The following SPART variants were observed in gnomAD, a reference collection of about 807,000 sequenced individuals.
SPART encodes the protein spastic paraplegia 20 (Troyer syndrome).
A neutral mutation model predicts 58.7 loss-of-function variants in SPART; 35 were observed. The ratio of observed to expected loss-of-function variants is 0.60; its 90% CI spans 0.46 to 0.79. SPART has a LOEUF of 0.79. SPART is among the 30% of genes least tolerant of loss of function. The pLI, the probability that SPART is intolerant of heterozygous loss-of-function variation, is 0.00. For missense variants in SPART, 730 were observed against 786.1 expected, an observed-to-expected ratio of 0.93 and a Z score of 0.85; for synonymous variants, 284 against 280.7, an observed-to-expected ratio of 1.01 and a Z score of -0.12.
chr13:36,307,540 C>A (rs1184772979), intron 8 of SPART, among the ~76,000 whole-genome samples: 1 of 151,838 alleles, frequency 6.6e-6, no homozygotes, highest in African/African-American at 2.4e-5. Flanking sequence ...AATATATATT[C>A]AAAGAAAATA....
At chr13:36,319,781 A>C (rs976770471) in intron 5 of SPART, among the ~76,000 whole-genome samples, 1 of 143,896 alleles carries the variant, frequency 6.9e-6, no homozygotes, top group African/African-American at 2.5e-5. Context: ...CATCAAGCTC[A>C]GCAAATTACC....
At chr13:36,314,192 A>C in intron 6 of SPART, 35 bp downstream of exon 6, 1 of 1,583,006 alleles carries the variant, frequency 6.3e-7, no homozygotes, top group Non-Finnish European at 8.7e-7. Context: ...TTTAAATATA[A>C]CTTTAAAAAG....
intron 1 of SPART, among the ~76,000 whole-genome samples, chr13:36,342,766 C>T (rs1298172444): frequency 6.6e-6 from 1 of 152,144 alleles, no homozygotes; most frequent in African/African-American, 2.4e-5. Context: ...TTCCATGGGA[C>T]ATACACCAAC....
intron 6 of SPART, 119 bp from the exon 7 acceptor site, chr13:36,312,596 A>C: frequency 8.8e-7 from 1 of 1,134,212 alleles, no homozygotes; most frequent in Non-Finnish European, 1.3e-6. Context: ...TAATGTTACA[A>C]TTTCTTCTTA....
chr13:36,360,287 G>GATTTTT (rs60947739), intron 1 of SPART, among the ~76,000 whole-genome samples: 1 of 9,554 alleles, frequency 1.0e-4, no homozygotes, highest in Non-Finnish European at 1.7e-4. Flanking sequence ...GAAAATTTTT[G>GATTTTT]GAGAAAATTC....
At chr13:36,338,758 G>A (rs1012335867) in intron 1 of SPART, among the ~76,000 whole-genome samples, 1 of 152,184 alleles carries the variant, frequency 6.6e-6, no homozygotes, top group African/African-American at 2.4e-5. Context: ...TTGGTAATTA[G>A]AGTTTTGGCT....
At chr13:36,344,053 A>G (rs1438436312) in intron 1 of SPART, among the ~76,000 whole-genome samples, 2 of 149,284 alleles carry the variant, frequency 1.3e-5, no homozygotes, top group Non-Finnish European at 3.0e-5. Flanking sequence ...AAAAAAAAAG[A>G]AAGAAAGAAA....
At chr13:36,331,650 A>T in intron 2 of SPART, 54 bp from the exon 3 acceptor site, 1 of 1,249,094 alleles carries the variant, frequency 8.0e-7, no homozygotes, top group Non-Finnish European at 1.1e-6. Context: ...ATGAAACTAG[A>T]TTTTCATTTA....
rs375368529 is a variant in SPART at position 36,310,666 on chromosome 13, C to A, written c.1733+1479G>T. Among the ~76,000 whole-genome samples the A allele has an allele frequency of 7.9e-5, 12 of 152,252 alleles. No individual in the cohort carries two copies. In the South Asian group the frequency reaches 1.7e-3, roughly 21 times the overall value. On this transcript the variant is annotated intron_variant, in intron 8 of 8. Coordinates refer to ENST00000438666, the MANE Select transcript of SPART (RefSeq NM_015087.5). The stretch of plus-strand genomic sequence containing the variant: ...CCCAACACACCCCCACAGCTGCTGA[C>A]CACGAGAAAATCCAATGGTCAACAC...
chr13:36,350,566 A>C (rs1397369319), upstream of SPART, among the ~76,000 whole-genome samples: 2 of 152,182 alleles, frequency 1.3e-5, no homozygotes, highest in African/African-American at 4.8e-5. Context: ...CCATCTCAGG[A>C]TAGGAATAAT....
At chr13:36,313,065 C>G (rs959163615) in intron 6 of SPART, among the ~76,000 whole-genome samples, 3 of 151,722 alleles carry the variant, frequency 2.0e-5, no homozygotes, top group African/African-American at 7.3e-5. Flanking sequence ...TCCTATCTAC[C>G]CACCTCAAAA....
chr13:36,313,744 G>A (rs1417901865), intron 6 of SPART, among the ~76,000 whole-genome samples: 1 of 152,168 alleles, frequency 6.6e-6, no homozygotes, highest in Non-Finnish European at 1.5e-5. Flanking sequence ...ATATAGCCTA[G>A]GTGTGGAGTG....
chr13:36,308,849 C>G (rs1447794484), intron 8 of SPART, among the ~76,000 whole-genome samples: 1 of 140,882 alleles, frequency 7.1e-6, no homozygotes, highest in Admixed American at 7.3e-5. Flanking sequence ...TATTAGAGTT[C>G]AGGCCACAGG....
rs142428191 is a variant in SPART at position 36,361,975 on chromosome 13, T to G, written c.-3+8114A>C. On this transcript the variant is annotated intron_variant, in intron 1 of 8. Transcript: ENST00000355182. The stretch of plus-strand genomic sequence containing the variant: ...AGGTTGTCAGCATGCTGTGCAAAAA[T>G]TACCTTGAGCAATGCCTAGGACACT... Among the ~76,000 whole-genome samples, 13 of 152,288 alleles carry G rather than the reference T, an allele frequency of 8.5e-5. No homozygotes were observed. The East Asian group carries it at 2.3e-3, about 27-fold the overall frequency.
chr13:36,323,041 T>C (rs1882573125), intron 5 of SPART, among the ~76,000 whole-genome samples: 1 of 152,176 alleles, frequency 6.6e-6, no homozygotes. Flanking sequence ...ATGCATAATC[T>C]TGGAGAAATC....
At chr13:36,313,699 G>A (rs1304051866) in intron 6 of SPART, among the ~76,000 whole-genome samples, 1 of 152,210 alleles carries the variant, frequency 6.6e-6, no homozygotes, top group East Asian at 1.9e-4. Context: ...GTCACATGGT[G>A]TATAGGTTTG....
chr13:36,354,019 T>C (rs1885524098), intron 1 of SPART, among the ~76,000 whole-genome samples: 1 of 152,170 alleles, frequency 6.6e-6, no homozygotes, highest in Non-Finnish European at 1.5e-5. Flanking sequence ...TGAAGTAGAG[T>C]AACCTTAGAT....
In SPART at chr13:36,335,524, G is replaced by A. The variant is rs11543061; in HGVS notation, c.307C>T (p.Leu103=). 2.5e-6 allele frequency: 4 copies of A among 1,614,026 alleles called. No individual in the cohort carries two copies. The highest frequency in any genetic ancestry group is 3.4e-6 in the Non-Finnish European group (4 of 1,180,038). Residue 103 remains leucine, a synonymous_variant, in exon 2 of 9, where the codon CTG becomes TTG. Coordinates refer to ENST00000438666, the MANE Select transcript of SPART (RefSeq NM_015087.5). ...GGCACCTCCTGAAGATCATTCTGCA[G>A]AGAAGTGGCAAGACCCTTCTCTAGA... is the stretch of plus-strand genomic sequence containing the variant. ...EILEKGLATS[L]QNDLQEVPKL...
intron 1 of SPART, among the ~76,000 whole-genome samples, chr13:36,359,357 T>C (rs1025468591): frequency 6.6e-6 from 1 of 152,226 alleles, no homozygotes; most frequent in Admixed American, 6.5e-5. Context: ...TATACCACAG[T>C]GTCTTATTGT....
Sources: gnomAD v4.1 joint callset for allele counts (sites outside exome capture counted in the v4.1 genomes callset) on GRCh38, gnomAD v4.1.1 for gene constraint, MANE v1.5 for transcripts, NCBI Gene and HGNC (gene_info 2026-07-23, HGNC 2026-07-21) for gene names.